Variants in RAMP3 observed in about 807,000 individuals in gnomAD.
RAMP3 encodes receptor activity modifying protein 3.
RAMP3 carries 14 observed loss-of-function variants against 13.5 expected under a neutral mutation model. That is an observed-to-expected ratio of 1.04 (90% CI 0.69 to 1.63). The LOEUF (loss-of-function observed/expected upper bound fraction) is 1.63. Among genes scored for constraint, RAMP3 ranks in the 40% most tolerant of loss-of-function variants. The pLI is 0.00. For synonymous variants in RAMP3, 106 were observed against 88.3 expected, an observed-to-expected ratio of 1.20 and a Z score of -1.12; for missense variants, 200 against 204.8, an observed-to-expected ratio of 0.98 and a Z score of 0.14.
intron 1 of RAMP3, among the ~76,000 whole-genome samples, chr7:45,159,554 C>T (rs1785825029): frequency 6.6e-6 from 1 of 152,204 alleles, no homozygotes; most frequent in Non-Finnish European, 1.5e-5. Flanking sequence ...GTCTACTCAG[C>T]AGGACACTTT....
intron 1 of RAMP3, among the ~76,000 whole-genome samples, chr7:45,171,206 AG>A (rs1366660490): frequency 6.7e-6 from 1 of 149,730 alleles, no homozygotes; most frequent in Non-Finnish European, 1.5e-5. Flanking sequence ...CCCAGGCTGG[AG>A]TACAATGGTG....
At chr7:45,160,705 T>C (rs1785851989) in intron 1 of RAMP3, among the ~76,000 whole-genome samples, 1 of 152,228 alleles carries the variant, frequency 6.6e-6, no homozygotes. Flanking sequence ...TGGCTGTTTA[T>C]CATCTCTCAG....
At position 45,167,674 on chromosome 7, in the gene RAMP3, C is replaced by T. The variant is rs530905921; in HGVS notation, c.59-9635C>T. 2.6e-5 allele frequency among the ~76,000 whole-genome samples: 4 copies of T among 152,040 alleles called. No homozygotes were observed. In the South Asian group the frequency reaches 6.2e-4, roughly 24 times the overall value. On this transcript the variant is annotated intron_variant, in intron 1 of 2. Transcript: ENST00000242249. ...CGCCTCCCGGGTTCAAGCGATTCTC[C>T]TGCCTCCTGCCTTGGGAAGCCTCTC... is the stretch of plus-strand genomic sequence containing the variant.
chr7:45,172,904 CA>C (rs550380415), intron 1 of RAMP3, among the ~76,000 whole-genome samples: 268 of 152,312 alleles, frequency 1.8e-3, no homozygotes, highest in Non-Finnish European at 3.1e-3. Flanking sequence ...TGTGAATCCA[CA>C]AGAAGGTCAG....
chr7:45,163,697 G>T, intron 1 of RAMP3: 1 of 985,396 alleles, frequency 1.0e-6, no homozygotes, highest in Middle Eastern at 5.2e-4. Context: ...CTTTTTTACA[G>T]ATGGGGAGAC....
At chr7:45,169,351 A>G (rs1315950681) in intron 1 of RAMP3, among the ~76,000 whole-genome samples, 1 of 152,164 alleles carries the variant, frequency 6.6e-6, no homozygotes, top group African/African-American at 2.4e-5. Flanking sequence ...ATTTCTGTTA[A>G]TTCTTCTTTC....
chr7:45,177,549 G>A, intron 2 of RAMP3, 108 bp downstream of exon 2: 1 of 1,520,658 alleles, frequency 6.6e-7, no homozygotes, highest in South Asian at 1.2e-5. Flanking sequence ...CCTCACCCAT[G>A]CCTCACCCAC....
At chr7:45,183,086 C>T in intron 2 of RAMP3, 71 bp from the exon 3 acceptor site, 1 of 1,580,394 alleles carries the variant, frequency 6.3e-7, no homozygotes, top group Non-Finnish European at 8.6e-7. Flanking sequence ...ACCCATCTTC[C>T]TGGCCTCAGG....
intron 2 of RAMP3, among the ~76,000 whole-genome samples, chr7:45,181,378 C>T (rs932153065): frequency 3.3e-5 from 5 of 152,220 alleles, no homozygotes; most frequent in African/African-American, 1.2e-4. Flanking sequence ...CCTGCCTCAC[C>T]TCCTCTTGGG....
At chr7:45,167,722 G>A (rs1240910571) in intron 1 of RAMP3, among the ~76,000 whole-genome samples, 1 of 151,964 alleles carries the variant, frequency 6.6e-6, no homozygotes, top group Non-Finnish European at 1.5e-5. Context: ...AAGTAGCTGG[G>A]ATTACAGGCA....
intron 1 of RAMP3, among the ~76,000 whole-genome samples, chr7:45,159,997 AG>A (rs1230850428): frequency 6.6e-6 from 1 of 152,196 alleles, no homozygotes; most frequent in Non-Finnish European, 1.5e-5. Context: ...AGTGGGCCCA[AG>A]GGCCATGGTT....
Position 45,159,903 on chromosome 7 carries a change from G to A in RAMP3, c.58+2017G>A, listed in dbSNP as rs142451716. ...AGTGTGTGTGCCTGTGTGTGCAAGC[G>A]TATGAACATGGTACCATCGTTTTTA... is the stretch of plus-strand genomic sequence containing the variant. On this transcript the variant is annotated intron_variant, in intron 1 of 2. Coordinates refer to ENST00000242249, the MANE Select transcript of RAMP3 (RefSeq NM_005856.3). 3.7e-3 allele frequency among the ~76,000 whole-genome samples: 564 copies of A among 152,298 alleles called. 5 individuals carry two copies. The highest frequency in any genetic ancestry group is 0.013 in the African/African-American group (549 of 41,560).
intron 1 of RAMP3, among the ~76,000 whole-genome samples, chr7:45,160,103 C>G (rs141281975): frequency 6.6e-6 from 1 of 151,736 alleles, no homozygotes; most frequent in Non-Finnish European, 1.5e-5. Flanking sequence ...GAGGCCAAGG[C>G]GGGCAGATCT....
intron 1 of RAMP3, among the ~76,000 whole-genome samples, chr7:45,166,665 G>A (rs979076972): frequency 6.6e-6 from 1 of 152,058 alleles, no homozygotes; most frequent in African/African-American, 2.4e-5. Flanking sequence ...AAAATTTGAC[G>A]TGTCTAATTT....
chr7:45,158,182 G>A (rs1365895233), intron 1 of RAMP3, among the ~76,000 whole-genome samples: 3 of 152,232 alleles, frequency 2.0e-5, no homozygotes, highest in Non-Finnish European at 4.4e-5. Context: ...CCCACGCCCC[G>A]GTTCTGGGGT....
At chr7:45,162,718 G>A (rs1247592477) in intron 1 of RAMP3, among the ~76,000 whole-genome samples, 1 of 152,200 alleles carries the variant, frequency 6.6e-6, no homozygotes, top group Non-Finnish European at 1.5e-5. Context: ...TGGAGAGCCT[G>A]GCTGAAGGGA....
chr7:45,165,114 G>C (rs1450417020), intron 1 of RAMP3, among the ~76,000 whole-genome samples: 3 of 151,550 alleles, frequency 2.0e-5, no homozygotes, highest in Non-Finnish European at 4.4e-5. Flanking sequence ...TTGCTAATTG[G>C]GTGTAATTCT....
intron 1 of RAMP3, among the ~76,000 whole-genome samples, chr7:45,159,845 G>A (rs1785830486): frequency 6.6e-6 from 1 of 152,186 alleles, no homozygotes; most frequent in African/African-American, 2.4e-5. Flanking sequence ...GCCTCATGAG[G>A]CTCACTCACA....
chr7:45,180,078 C>G (rs1786273200), intron 2 of RAMP3, among the ~76,000 whole-genome samples: 1 of 152,258 alleles, frequency 6.6e-6, no homozygotes, highest in African/African-American at 2.4e-5. Flanking sequence ...TGTGGCACCT[C>G]CAGCATCTGA....
Sources: gnomAD v4.1 joint callset for allele counts (sites outside exome capture counted in the v4.1 genomes callset) on GRCh38, gnomAD v4.1.1 for gene constraint, MANE v1.5 for transcripts, NCBI Gene and HGNC (gene_info 2026-07-23, HGNC 2026-07-21) for gene names.